The following CASR variants were observed in gnomAD, a reference collection of about 807,000 sequenced individuals.
CASR encodes calcium sensing receptor, also known as extracellular calcium-sensing receptor.
A neutral mutation model predicts 69.1 loss-of-function variants in CASR; 23 were observed. The ratio of observed to expected loss-of-function variants is 0.33; its 90% CI spans 0.24 to 0.47. The LOEUF (loss-of-function observed/expected upper bound fraction) is 0.47. Ranked by LOEUF, CASR falls within the 20% of genes least tolerant of loss-of-function variation. The probability of loss-of-function intolerance (pLI) is 1.00; values close to 1 mark genes in which losing one functional copy is unlikely to be tolerated. For missense variants in CASR, 924 were observed against 1,356.1 expected (o/e 0.68, Z 5.00); for synonymous variants, 541 against 544.7 (o/e 0.99, Z 0.10).
chr3:122,267,175 T>C (rs2074704611), intron 4 of CASR, among the ~76,000 whole-genome samples: 1 of 152,202 alleles, frequency 6.6e-6, no homozygotes, highest in Non-Finnish European at 1.5e-5. Context: ...TTATGTGAAT[T>C]AAAGGCAAGA....
chr3:122,265,971 G>A (rs1000143904), intron 4 of CASR, among the ~76,000 whole-genome samples: 6 of 152,148 alleles, frequency 3.9e-5, no homozygotes, highest in Non-Finnish European at 7.4e-5. Flanking sequence ...AACATGGCTG[G>A]CGTTAGAGAA....
At chr3:122,247,385 C>T (rs1402482774) in intron 1 of CASR, 5 of 152,184 alleles carry the variant, frequency 3.3e-5, no homozygotes, top group Admixed American at 6.5e-5. Flanking sequence ...GGAGAGGCAA[C>T]GCCAGGATGT....
In CASR at chr3:122,290,080, CAAA is replaced by C. The variant is rs10532267; in HGVS notation, c.*4902_*4904del. The C allele has an allele frequency of 7.0e-5, 4 of 57,216 alleles. No individual in the cohort carries two copies. Among genetic ancestry groups the C allele is most frequent in the South Asian group, 5.1e-4 (1 of 1,962 alleles). 3.5% of individuals were successfully genotyped at this position (57,216 alleles called of 1,614,324 possible). A position where few individuals can be genotyped will look rare whatever the true frequency, so the allele number is the denominator to read the frequency against. On this transcript the variant is annotated 3_prime_UTR_variant, in exon 7 of 7. Transcript: ENST00000639785. ...CCTGGGTGACAGAGCAAGACCCTGC[CAAA>C]AAAAAAAAAAAAGAAGAAGAAAAAC...
At chr3:122,193,532 T>A (rs2073859159) in intron 1 of CASR, among the ~76,000 whole-genome samples, 1 of 152,190 alleles carries the variant, frequency 6.6e-6, no homozygotes, top group Non-Finnish European at 1.5e-5. Context: ...CTCTCATTTC[T>A]ATGGGGTGCT....
intron 1 of CASR, chr3:122,246,777 C>T (rs2074432018): frequency 6.6e-6 from 1 of 152,254 alleles, no homozygotes; most frequent in Non-Finnish European, 1.5e-5. Context: ...CACACCACCA[C>T]ATGTCCCCAG....
intron 4 of CASR, among the ~76,000 whole-genome samples, chr3:122,263,196 A>G (rs2074648740): frequency 6.6e-6 from 1 of 152,150 alleles, no homozygotes; most frequent in Non-Finnish European, 1.5e-5. Context: ...CCTTAGTTCC[A>G]AACTGACCTA....
chr3:122,251,886 G>C lies in CASR; in HGVS notation c.-242-2062G>C, dbSNP rs192035331. Among the ~76,000 whole-genome samples, 497 of 152,356 alleles carry C rather than the reference G, an allele frequency of 3.3e-3. 4 individuals are homozygous for C. The highest frequency in any genetic ancestry group is 5.9e-3 in the Non-Finnish European group (404 of 68,030). On this transcript the variant is annotated intron_variant, in intron 1 of 6. Transcript: ENST00000639785. Reference sequence around the variant, plus strand: ...TGATTCAAAGCCAGGTGTGAATCCAGAGCCTGTGCTCCAAAGCACTTGTCC... The same window carrying C: ...TGATTCAAAGCCAGGTGTGAATCCACAGCCTGTGCTCCAAAGCACTTGTCC...
intron 1 of CASR, among the ~76,000 whole-genome samples, chr3:122,242,560 T>C (rs1209378524): frequency 1.3e-5 from 2 of 152,152 alleles, no homozygotes; most frequent in South Asian, 2.1e-4. Context: ...TCCATATTCA[T>C]GGATTGGAAG....
intron 4 of CASR, among the ~76,000 whole-genome samples, chr3:122,275,443 C>T (rs1287136006): frequency 6.6e-6 from 1 of 152,222 alleles, no homozygotes; most frequent in East Asian, 1.9e-4. Flanking sequence ...TCAGAAGATG[C>T]CAGGGATGGA....
intron 1 of CASR, among the ~76,000 whole-genome samples, chr3:122,189,506 G>C (rs895180717): frequency 6.6e-6 from 1 of 151,910 alleles, no homozygotes; most frequent in African/African-American, 2.4e-5. Flanking sequence ...TTTTTCCCTG[G>C]GAACCAGGGT....
intron 1 of CASR, among the ~76,000 whole-genome samples, chr3:122,193,146 C>A (rs769522377): frequency 8.6e-5 from 13 of 151,586 alleles, no homozygotes; most frequent in Non-Finnish European, 1.3e-4. Context: ...AAATCTTCGA[C>A]CTTTTTTTTT....
chr3:122,230,563 C>G (rs1405719740), intron 1 of CASR, among the ~76,000 whole-genome samples: 3 of 152,200 alleles, frequency 2.0e-5, no homozygotes, highest in Non-Finnish European at 4.4e-5. Flanking sequence ...GCGGCTGAAC[C>G]CATCTCTGTA....
At chr3:122,270,002 C>T (rs1162388738) in intron 4 of CASR, among the ~76,000 whole-genome samples, 1 of 152,034 alleles carries the variant, frequency 6.6e-6, no homozygotes, top group Non-Finnish European at 1.5e-5. Context: ...CCACCACCAC[C>T]AGCTAATTTT....
Position 122,262,378 on chromosome 3 carries a change from C to T in CASR, c.1343C>T (p.Ser448Phe). The T allele has an allele frequency of 6.2e-7, 1 of 1,613,728 alleles. No individual in the cohort carries two copies. The highest frequency in any genetic ancestry group is 8.5e-7 in the Non-Finnish European group (1 of 1,180,012). The change falls in exon 4 of 7, where the codon TCC becomes TTC. Residue 448 changes from serine to phenylalanine, a missense_variant. Transcript: ENST00000639785. The stretch of plus-strand genomic sequence containing the variant: ...GGGAGAGGGCTCTTCACCAATGGCT[C>T]CTGTGCAGACATCAAGAAAGTTGAG... ...LPGRGLFTNGSCADIKKVEAW... is the reference protein window; with the variant it reads ...LPGRGLFTNGFCADIKKVEAW...
At chr3:122,189,865 G>A (rs1037813811) in intron 1 of CASR, among the ~76,000 whole-genome samples, 2 of 152,152 alleles carry the variant, frequency 1.3e-5, no homozygotes, top group African/African-American at 2.4e-5. Context: ...GTTGATGGTT[G>A]AAAGAATTAT....
intron 1 of CASR, among the ~76,000 whole-genome samples, chr3:122,250,091 C>T (rs2074467820): frequency 1.3e-5 from 2 of 152,230 alleles, no homozygotes; most frequent in Non-Finnish European, 2.9e-5. Context: ...GCTTTTACAA[C>T]ATGGAAGGTG....
At chr3:122,279,181 C>T (rs1480843059) in intron 5 of CASR, among the ~76,000 whole-genome samples, 1 of 152,160 alleles carries the variant, frequency 6.6e-6, no homozygotes, top group Admixed American at 6.5e-5. Flanking sequence ...ATGTCAGAAC[C>T]ACCAGGTAGA....
At chr3:122,277,584 A>T (rs1250656191) in intron 5 of CASR, among the ~76,000 whole-genome samples, 1 of 152,140 alleles carries the variant, frequency 6.6e-6, no homozygotes, top group Non-Finnish European at 1.5e-5. Flanking sequence ...ACTTTTCCAG[A>T]TGGAGATTTG....
chr3:122,217,927 CAG>C (rs1406520047), intron 1 of CASR, among the ~76,000 whole-genome samples: 2 of 151,856 alleles, frequency 1.3e-5, no homozygotes, highest in Non-Finnish European at 2.9e-5. Context: ...CACATCTAAG[CAG>C]AGTGAGGGGG....
Sources: gnomAD v4.1 joint callset for allele counts (sites outside exome capture counted in the v4.1 genomes callset) on GRCh38, gnomAD v4.1.1 for gene constraint, MANE v1.5 for transcripts, NCBI Gene and HGNC (gene_info 2026-07-23, HGNC 2026-07-21) for gene names.